Variants in GALNT15 observed in about 807,000 individuals in gnomAD.
The protein encoded by GALNT15 is UDP-GalNAc transferase T15.
In GALNT15, 67 loss-of-function variants were observed where a neutral mutation model predicts 66.8. The ratio of observed to expected loss-of-function variants is 1.00; its 90% CI spans 0.82 to 1.23. The LOEUF (loss-of-function observed/expected upper bound fraction) is 1.23. Ranked by LOEUF, GALNT15 falls within the 50% of genes most tolerant of loss-of-function variation. The pLI is 0.00. For synonymous variants in GALNT15, 313 were observed against 311.5 expected, an observed-to-expected ratio of 1.00 and a Z score of -0.05; for missense variants, 827 against 804.3, an observed-to-expected ratio of 1.03 and a Z score of -0.34.
chr3:16,247,941 G>C, the GALNT15 span, among the ~76,000 whole-genome samples: 1 of 152,182 alleles, frequency 6.6e-6, no homozygotes, highest in Non-Finnish European at 1.5e-5. Context: ...GGCACTCCAG[G>C]CTTCCAGCTC....
At chr3:16,238,987 C>T in the GALNT15 span, among the ~76,000 whole-genome samples, 1 of 152,182 alleles carries the variant, frequency 6.6e-6, no homozygotes, top group African/African-American at 2.4e-5. This position sits in a 1 kb window ranked among gnomAD's most constrained non-coding sequence, Gnocchi z 4.8. Flanking sequence ...TCTTTTTAAA[C>T]TTCCACTCAC....
At chr3:16,241,171 G>C in the GALNT15 span, among the ~76,000 whole-genome samples, 1 of 152,222 alleles carries the variant, frequency 6.6e-6, no homozygotes, top group Non-Finnish European at 1.5e-5. This position sits in a 1 kb window ranked among gnomAD's most constrained non-coding sequence, Gnocchi z 4.6. Flanking sequence ...TTATCAAAAA[G>C]ATGTTTCCTC....
chr3:16,197,557 T>A (rs1281303565), intron 2 of GALNT15, among the ~76,000 whole-genome samples: 1 of 152,060 alleles, frequency 6.6e-6, no homozygotes, highest in Non-Finnish European at 1.5e-5. Context: ...ACTCTACCTG[T>A]GAGGAAAACT....
the GALNT15 span, among the ~76,000 whole-genome samples, chr3:16,246,898 A>C: frequency 6.6e-6 from 1 of 152,190 alleles, no homozygotes; most frequent in Non-Finnish European, 1.5e-5. Flanking sequence ...TATGGCTTGT[A>C]ATTTTTCTGA....
chr3:16,212,428 C>G, intron 5 of GALNT15, 141 bp from the exon 6 acceptor site: 1 of 770,432 alleles, frequency 1.3e-6, no homozygotes. Flanking sequence ...TCTACGCCAC[C>G]CTGAGGACCA....
chr3:16,182,947 C>T lies in GALNT15; in HGVS notation c.539+7257C>T, dbSNP rs1442039498. On this transcript the variant is annotated intron_variant, in intron 1 of 9. Transcript: ENST00000339732. This position sits in a 1 kb window ranked among gnomAD's most constrained non-coding sequence, Gnocchi z 6.1. ...ACTTTTTGCATGTCTAAAGCTCACA[C>T]TTCTTGAGATGGAGGATCTGGCAGG... The T allele has an allele frequency of 6.6e-6, 1 of 152,328 alleles. No homozygotes were observed. Among genetic ancestry groups the T allele is most frequent in the African/African-American group, 2.4e-5 (1 of 41,462 alleles). 9.4% of individuals were successfully genotyped at this position (152,328 alleles called of 1,614,324 possible).
At chr3:16,178,411 A>C (rs1447433668) in intron 1 of GALNT15, among the ~76,000 whole-genome samples, 1 of 152,166 alleles carries the variant, frequency 6.6e-6, no homozygotes, top group Non-Finnish European at 1.5e-5. Context: ...GTCGGGAGGA[A>C]ACTCCTCAAC....
intron 6 of GALNT15, among the ~76,000 whole-genome samples, chr3:16,213,306 T>A (rs984943052): frequency 1.1e-4 from 16 of 151,254 alleles, no homozygotes; most frequent in African/African-American, 3.9e-4. Context: ...ATACAAAAAA[T>A]TAGCCAGGTG....
In GALNT15 at chr3:16,204,641, GT is replaced by G. The variant is rs1290575685; in HGVS notation, c.911+3821del. 4.6e-5 allele frequency among the ~76,000 whole-genome samples: 7 copies of G among 152,248 alleles called. No individual in the cohort carries two copies. The highest frequency in any genetic ancestry group is 7.4e-5 in the Non-Finnish European group (5 of 68,022). ...AAGCCATACCCCTGGAAGGATGAAGGTTTCTAAGGGGAAAGGGACAGTCTTG... is the reference window on the plus strand; with the variant it reads ...AAGCCATACCCCTGGAAGGATGAAGGTTCTAAGGGGAAAGGGACAGTCTTG... On this transcript the variant is annotated intron_variant, in intron 3 of 9. Transcript: ENST00000339732. The surrounding 1 kb of genome is among the most constrained non-coding windows in gnomAD (Gnocchi z 4.5).
At position 16,227,338 on chromosome 3, in the gene GALNT15, T is replaced by C. The variant is rs1559696012; in HGVS notation, c.1774-16T>C. ...GGGGGACTGGTTTTCTTTTCTTTTT[T>C]CCTTTCTCTTTTTAGAATGGGATGA... On this transcript the variant is annotated splice_polypyrimidine_tract_variant and intron_variant, in intron 9 of 9. Transcript: ENST00000339732. The surrounding 1 kb of genome is among the most constrained non-coding windows in gnomAD (Gnocchi z 4.5). 1.3e-6 allele frequency: 2 copies of C among 1,599,222 alleles called. No homozygotes were observed. Among genetic ancestry groups the C allele is most frequent in the Non-Finnish European group, 8.5e-7 (1 of 1,175,602 alleles).
At position 16,195,989 on chromosome 3, in the gene GALNT15, C is replaced by A; in HGVS notation, c.706+63C>A. On this transcript the variant is annotated intron_variant, in intron 2 of 9. Coordinates refer to ENST00000339732, the MANE Select transcript of GALNT15 (RefSeq NM_054110.5). The surrounding 1 kb of genome is among the most constrained non-coding windows in gnomAD (Gnocchi z 4.6). ...CTTACCCCCTGGCGGGTGGAGTTCT[C>A]AAGCAAAAGATTGAAGTTTGGAACT... 6.5e-7 allele frequency: 1 copy of A among 1,541,638 alleles called. No homozygotes were observed. Among genetic ancestry groups the A allele is most frequent in the African/African-American group, 1.4e-5 (1 of 72,886 alleles).
At chr3:16,231,099 C>G (rs867130904), downstream of GALNT15, among the ~76,000 whole-genome samples, 3 of 136,096 alleles carry the variant, frequency 2.2e-5, no homozygotes, top group Non-Finnish European at 4.5e-5. This position sits in a 1 kb window ranked among gnomAD's most constrained non-coding sequence, Gnocchi z 4.1. Flanking sequence ...ACAATGAGAA[C>G]ACATGGACAT....
chr3:16,229,474 A>T lies in GALNT15; in HGVS notation c.*1974A>T, dbSNP rs1392795424. 1.0e-6 allele frequency: 1 copy of T among 982,372 alleles called. No individual in the cohort carries two copies. The highest frequency in any genetic ancestry group is 1.2e-6 in the Non-Finnish European group (1 of 827,258). 60.9% of individuals were successfully genotyped at this position (982,372 alleles called of 1,614,324 possible). On this transcript the variant is annotated 3_prime_UTR_variant, in exon 10 of 10. Coordinates refer to ENST00000339732, the MANE Select transcript of GALNT15 (RefSeq NM_054110.5). ...CATCACAGTTCTGTTGGACCAATCT[A>T]GATAGATTCATTATCCCATCTAGAG...
chr3:16,230,462 G>C (rs1436576418), downstream of GALNT15, among the ~76,000 whole-genome samples: 2 of 152,110 alleles, frequency 1.3e-5, no homozygotes, highest in East Asian at 3.9e-4. This position sits in a 1 kb window ranked among gnomAD's most constrained non-coding sequence, Gnocchi z 4.5. Flanking sequence ...TAATGTGAGG[G>C]GGTTCTATTC....
downstream of GALNT15, among the ~76,000 whole-genome samples, chr3:16,232,471 T>TAAATAAATAAATAAATAAATAA (rs201364608): frequency 6.8e-5 from 3 of 44,092 alleles, no homozygotes; most frequent in African/African-American, 1.9e-4. Context: ...AATAAATAAA[T>TAAATAAATAAATAAATAAATAA]ATATATATAT....
In GALNT15 at chr3:16,227,567, C is replaced by T. The variant is rs750650360; in HGVS notation, c.*67C>T. 1 of 1,612,496 alleles carries T rather than the reference C, an allele frequency of 6.2e-7. No individual in the cohort carries two copies. The highest frequency in any genetic ancestry group is 1.3e-5 in the African/African-American group (1 of 74,932). On this transcript the variant is annotated 3_prime_UTR_variant, in exon 10 of 10. Transcript: ENST00000339732. This position sits in a 1 kb window ranked among gnomAD's most constrained non-coding sequence, Gnocchi z 4.5. ...TCCAGCTCCAAGTGAACTTAAAGAG[C>T]TTATATATTTCATGAAGCTGATCCT... is the stretch of plus-strand genomic sequence containing the variant.
In GALNT15 at chr3:16,203,521, TC is replaced by T. The variant is rs1473789078; in HGVS notation, c.911+2699del. Among the ~76,000 whole-genome samples the T allele has an allele frequency of 5.4e-4, 6 of 11,026 alleles. No individual in the cohort carries two copies. Among genetic ancestry groups the T allele is most frequent in the Non-Finnish European group, 1.3e-3 (6 of 4,780 alleles). The allele number at this position is 11,026 out of a possible 152,430, so 7.2% of individuals were successfully genotyped here. On this transcript the variant is annotated intron_variant, in intron 3 of 9. Coordinates refer to ENST00000339732, the MANE Select transcript of GALNT15 (RefSeq NM_054110.5). This position sits in a 1 kb window ranked among gnomAD's most constrained non-coding sequence, Gnocchi z 6.2. ...CTCTCTCTGTCTCTTGGTCACTCAT[TC>T]TCTCTCTCTCTCTCTCTCTCTCACA...
chr3:16,231,804 G>A (rs2064084617), downstream of GALNT15: 2 of 1,535,952 alleles, frequency 1.3e-6, no homozygotes, highest in Non-Finnish European at 8.7e-7. The surrounding 1 kb of genome is among the most constrained non-coding windows in gnomAD (Gnocchi z 4.1). Flanking sequence ...ATGAGAACAG[G>A]GCCAACTCTG....
In GALNT15 at chr3:16,200,747, C is replaced by T. The variant is rs766617201; in HGVS notation, c.835C>T (p.Leu279Phe). Residue 279 changes from leucine to phenylalanine, a missense_variant, in exon 3 of 10, where the codon CTC (leucine) becomes TTC (phenylalanine). Transcript: ENST00000339732. This position sits in a 1 kb window ranked among gnomAD's most constrained non-coding sequence, Gnocchi z 4.4. ...GGCCACCAGAGCCACCGGGGATGTG[C>T]TCGTCTTCATGGATGCCCACTGCGA... ...LGATRATGDV[L>F]VFMDAHCECH... The T allele has an allele frequency of 6.2e-7, 1 of 1,612,966 alleles. No homozygotes were observed. The highest frequency in any genetic ancestry group is 2.2e-5 in the East Asian group (1 of 44,732).
Sources: gnomAD v4.1 joint callset for allele counts (sites outside exome capture counted in the v4.1 genomes callset) on GRCh38, gnomAD v4.1.1 for gene constraint, Gnocchi (gnomAD v3.1) non-coding constraint, MANE v1.5 for transcripts, NCBI Gene and HGNC (gene_info 2026-07-23, HGNC 2026-07-21) for gene names.